The following EYS variants were observed in gnomAD, a reference collection of about 807,000 sequenced individuals.
The protein encoded by EYS is EGF-like photoreceptor maintenance factor.
A neutral mutation model predicts 282.1 loss-of-function variants in EYS; 250 were observed. The ratio of observed to expected loss-of-function variants is 0.89; its 90% CI spans 0.80 to 0.98. EYS has a LOEUF of 0.98. EYS is among the 50% of genes least tolerant of loss of function. EYS has a pLI of 0.00. For synonymous variants in EYS, 1,355 were observed against 1,282.9 expected (o/e 1.06, Z -1.20); for missense variants, 4,016 against 3,709.0 (o/e 1.08, Z -2.15).
At chr6:65,054,054 A>G (rs544488831) in intron 13 of EYS, among the ~76,000 whole-genome samples, 1 of 152,114 alleles carries the variant, frequency 6.6e-6, no homozygotes, top group Admixed American at 6.6e-5. Context: ...TTTTGCATAG[A>G]AACTGAACTC....
intron 41 of EYS, among the ~76,000 whole-genome samples, chr6:63,737,167 G>A (rs36127893): frequency 0.037 from 5,567 of 151,964 alleles, 157 homozygotes; most frequent in African/African-American, 0.084. Flanking sequence ...TCTTGTGCCA[G>A]TTTTCAAAGG....
intron 22 of EYS, among the ~76,000 whole-genome samples, chr6:64,667,638 A>G (rs1365732848): frequency 3.3e-5 from 5 of 151,662 alleles, no homozygotes; most frequent in African/African-American, 7.3e-5. Flanking sequence ...GTTTTCTTTC[A>G]TTTATTCAGA....
intron 12 of EYS, among the ~76,000 whole-genome samples, chr6:65,107,537 G>A (rs1030113579): frequency 6.6e-6 from 1 of 151,750 alleles, no homozygotes; most frequent in African/African-American, 2.4e-5. Flanking sequence ...TGAGAAAAGT[G>A]AGAGCTATAC....
intron 12 of EYS, among the ~76,000 whole-genome samples, chr6:65,084,111 G>A (rs1342823893): frequency 6.6e-6 from 1 of 152,008 alleles, no homozygotes; most frequent in Non-Finnish European, 1.5e-5. Flanking sequence ...AAATTAGCAT[G>A]TCAGCAGAAG....
chr6:65,449,318 T>A (rs147166675), intron 5 of EYS, among the ~76,000 whole-genome samples: 1 of 152,264 alleles, frequency 6.6e-6, no homozygotes, highest in African/African-American at 2.4e-5. Context: ...CTTATTGGGA[T>A]GCATATAAGA....
intron 5 of EYS, among the ~76,000 whole-genome samples, chr6:65,426,198 C>A (rs985089502): frequency 5.3e-5 from 8 of 151,970 alleles, no homozygotes. Flanking sequence ...AGGCTGGTTT[C>A]AAACTTACGG....
At chr6:64,801,772 T>C (rs1764236917) in intron 22 of EYS, among the ~76,000 whole-genome samples, 1 of 152,090 alleles carries the variant, frequency 6.6e-6, no homozygotes, top group Non-Finnish European at 1.5e-5. Flanking sequence ...CATAATCACC[T>C]ATGACATAAA....
chr6:64,106,549 T>C (rs1025089445), intron 31 of EYS, among the ~76,000 whole-genome samples: 1 of 152,110 alleles, frequency 6.6e-6, no homozygotes, highest in African/African-American at 2.4e-5. Flanking sequence ...AGGTGCTTTT[T>C]CCTCTGGCTT....
intron 32 of EYS, among the ~76,000 whole-genome samples, chr6:64,069,570 A>C (rs1397667279): frequency 6.6e-6 from 1 of 152,130 alleles, no homozygotes. Flanking sequence ...CTCCAAAATT[A>C]CAACCTTCAG....
chr6:64,197,721 T>G (rs944553986), intron 31 of EYS, among the ~76,000 whole-genome samples: 3 of 151,888 alleles, frequency 2.0e-5, no homozygotes, highest in Non-Finnish European at 4.4e-5. Context: ...GTATCTCTTT[T>G]TAATCTATTT....
intron 26 of EYS, among the ~76,000 whole-genome samples, chr6:64,525,303 G>T (rs1042848477): frequency 1.3e-5 from 2 of 151,760 alleles, no homozygotes; most frequent in Non-Finnish European, 2.9e-5. Context: ...ACCGGATAAA[G>T]AATACATGGT....
intron 26 of EYS, among the ~76,000 whole-genome samples, chr6:64,550,104 T>A (rs1363568801): frequency 6.6e-6 from 1 of 152,230 alleles, no homozygotes; most frequent in East Asian, 1.9e-4. Context: ...CCATGGTGTA[T>A]ATGTGCCACA....
chr6:63,994,017 G>T (rs1195768487), intron 34 of EYS, among the ~76,000 whole-genome samples: 3 of 151,830 alleles, frequency 2.0e-5, no homozygotes, highest in African/African-American at 7.2e-5. Context: ...CTTTGAAAAG[G>T]GTACCACAAA....
intron 2 of EYS, among the ~76,000 whole-genome samples, chr6:65,512,175 C>T (rs1766904565): frequency 6.6e-6 from 1 of 151,972 alleles, no homozygotes; most frequent in Non-Finnish European, 1.5e-5. Context: ...TACTCATACG[C>T]CTTACAGATC....
At chr6:65,368,118 A>G (rs185186189) in intron 8 of EYS, among the ~76,000 whole-genome samples, 1 of 151,204 alleles carries the variant, frequency 6.6e-6, no homozygotes, top group Non-Finnish European at 1.5e-5. Flanking sequence ...AAAGCTCCTT[A>G]AAAAAAACCA....
At chr6:64,626,296 C>A in intron 22 of EYS, 51 bp from the exon 23 acceptor site, 1 of 1,489,684 alleles carries the variant, frequency 6.7e-7, no homozygotes. Context: ...CACATGAGCA[C>A]TATCACTTTT....
Position 63,860,264 on chromosome 6 carries a change from G to A in EYS, c.7228+3922C>T, listed in dbSNP as rs373807289. Among the ~76,000 whole-genome samples, 89 of 152,260 alleles carry A rather than the reference G, an allele frequency of 5.8e-4. 3 individuals are homozygous for A. The East Asian group carries it at 0.017, about 28-fold the overall frequency. On this transcript the variant is annotated intron_variant, in intron 36 of 42. Transcript: ENST00000503581. Reference sequence around the variant, plus strand: ...AGGTTTCTGGAGGGAGCTAACACTCGAGGGGGATTTTTTTGTGACTCAAAA... The same window carrying A: ...AGGTTTCTGGAGGGAGCTAACACTCAAGGGGGATTTTTTTGTGACTCAAAA...
At chr6:65,010,558 C>A (rs149676091) in intron 13 of EYS, among the ~76,000 whole-genome samples, 1,804 of 152,250 alleles carry the variant, frequency 0.012, 37 homozygotes, top group African/African-American at 0.041. Flanking sequence ...TGACTGATCC[C>A]GACCTTAACT....
At chr6:65,473,509 T>C (rs931605582) in intron 5 of EYS, among the ~76,000 whole-genome samples, 5 of 151,960 alleles carry the variant, frequency 3.3e-5, no homozygotes, top group Non-Finnish European at 5.9e-5. Context: ...GGTCAGTAAC[T>C]GTGACACCTG....
Sources: gnomAD v4.1 joint callset for allele counts (sites outside exome capture counted in the v4.1 genomes callset) on GRCh38, gnomAD v4.1.1 for gene constraint, MANE v1.5 for transcripts, NCBI Gene and HGNC (gene_info 2026-07-23, HGNC 2026-07-21) for gene names.